The following THSD7A variants were observed in gnomAD, a reference collection of about 807,000 sequenced individuals.
The protein encoded by THSD7A is thrombospondin type 1 domain containing 7A.
In THSD7A, 96 loss-of-function variants were observed where a neutral mutation model predicts 231.3. The observed-to-expected ratio is 0.41, with a 90% CI of 0.35 to 0.49. The LOEUF (loss-of-function observed/expected upper bound fraction) is 0.49. Among genes scored for constraint, THSD7A ranks in the 20% least tolerant of loss-of-function variants. The probability of loss-of-function intolerance (pLI) is 0.05; values close to 1 mark genes in which losing one functional copy is unlikely to be tolerated. For missense variants in THSD7A, 2,290 were observed against 2,070.2 expected (o/e 1.11, Z -2.06); for synonymous variants, 940 against 743.3 (o/e 1.26, Z -4.30).
At chr7:11,599,767 A>G (rs1780487730) in intron 2 of THSD7A, among the ~76,000 whole-genome samples, 2 of 151,954 alleles carry the variant, frequency 1.3e-5, no homozygotes, top group Admixed American at 1.3e-4. Context: ...ACTTGATTGG[A>G]TGGAAGGATG....
At chr7:11,758,224 G>T (rs2128167107) in intron 1 of THSD7A, among the ~76,000 whole-genome samples, 1 of 151,966 alleles carries the variant, frequency 6.6e-6, no homozygotes, top group East Asian at 1.9e-4. Flanking sequence ...TATCTTGAGG[G>T]AAGAAGTGTA....
chr7:11,546,202 G>GAGCGCGCGCACACACACACACA (rs1789383127), intron 4 of THSD7A, among the ~76,000 whole-genome samples: 1 of 129,374 alleles, frequency 7.7e-6, no homozygotes, highest in East Asian at 2.3e-4. Context: ...GTGGGCGCGC[G>GAGCGCGCGCACACACACACACA]CTCACACACA....
chr7:11,507,723 G>A, intron 6 of THSD7A, among the ~76,000 whole-genome samples: 1 of 151,080 alleles, frequency 6.6e-6, no homozygotes, highest in Non-Finnish European at 1.5e-5. Context: ...CATGTTTTCT[G>A]TTTATATATA....
intron 1 of THSD7A, among the ~76,000 whole-genome samples, chr7:11,789,416 C>G (rs1014588350): frequency 1.3e-5 from 2 of 152,036 alleles, no homozygotes; most frequent in Admixed American, 1.3e-4. Context: ...GAAGGAAAAC[C>G]AGCCAGGAGG....
intron 1 of THSD7A, among the ~76,000 whole-genome samples, chr7:11,718,024 A>G (rs890448046): frequency 7.9e-5 from 12 of 151,652 alleles, no homozygotes; most frequent in South Asian, 2.1e-4. Context: ...CTATGCACAA[A>G]GATTATCACA....
intron 1 of THSD7A, among the ~76,000 whole-genome samples, chr7:11,782,427 C>T (rs1783662803): frequency 6.6e-6 from 1 of 152,134 alleles, no homozygotes; most frequent in South Asian, 2.1e-4. Flanking sequence ...ACACATGACA[C>T]ACACACAGAA....
At chr7:11,550,749 A>G (rs1257712868) in intron 4 of THSD7A, among the ~76,000 whole-genome samples, 2 of 152,174 alleles carry the variant, frequency 1.3e-5, no homozygotes, top group Non-Finnish European at 2.9e-5. Flanking sequence ...GGAAGAAGTA[A>G]TATTATTGAA....
chr7:11,654,764 C>T (rs1782644846), intron 1 of THSD7A, among the ~76,000 whole-genome samples: 1 of 151,848 alleles, frequency 6.6e-6, no homozygotes, highest in Non-Finnish European at 1.5e-5. Context: ...TAATACATGT[C>T]TTTCGCTTGA....
intron 6 of THSD7A, among the ~76,000 whole-genome samples, chr7:11,513,720 G>T (rs1360139103): frequency 6.6e-6 from 1 of 152,052 alleles, no homozygotes; most frequent in African/African-American, 2.4e-5. Context: ...TCAATGTAGT[G>T]GTTGCACAAC....
At chr7:11,514,810 G>A (rs188568054) in intron 6 of THSD7A, among the ~76,000 whole-genome samples, 77 of 152,156 alleles carry the variant, frequency 5.1e-4, no homozygotes, top group Admixed American at 9.2e-4. Context: ...CTCCTTTCAA[G>A]ATTATTACTC....
chr7:11,736,814 A>C (rs1781931471), intron 1 of THSD7A, among the ~76,000 whole-genome samples: 1 of 151,990 alleles, frequency 6.6e-6, no homozygotes, highest in Non-Finnish European at 1.5e-5. Flanking sequence ...GGCCCCACCC[A>C]AATCTCATCT....
intron 1 of THSD7A, among the ~76,000 whole-genome samples, chr7:11,806,264 C>A (rs1784395421): frequency 1.3e-5 from 2 of 152,112 alleles, no homozygotes; most frequent in Non-Finnish European, 2.9e-5. Flanking sequence ...GTGCTCAAAC[C>A]TCAATTTATG....
At chr7:11,428,275 T>C (rs73066785) in intron 14 of THSD7A, among the ~76,000 whole-genome samples, 8 of 152,340 alleles carry the variant, frequency 5.3e-5, no homozygotes, top group Non-Finnish European at 8.8e-5. Context: ...TGTCTGATTA[T>C]GTTACATTCC....
chr7:11,730,431 C>T (rs944932501), intron 1 of THSD7A, among the ~76,000 whole-genome samples: 1 of 151,272 alleles, frequency 6.6e-6, no homozygotes. Context: ...ATATTATTGT[C>T]TTATAAAAGT....
chr7:11,703,227 A>G (rs566903235), intron 1 of THSD7A, among the ~76,000 whole-genome samples: 47 of 151,398 alleles, frequency 3.1e-4, no homozygotes, highest in African/African-American at 1.1e-3. Context: ...AAGAGGCTAG[A>G]AAATATTTTT....
chr7:11,790,605 A>AT (rs1290599061), intron 1 of THSD7A, among the ~76,000 whole-genome samples: 1 of 151,936 alleles, frequency 6.6e-6, no homozygotes, highest in African/African-American at 2.4e-5. Context: ...TGTTTCTTAA[A>AT]TTTTTTGCTG....
At chr7:11,818,193 C>T (rs1425002023) in intron 1 of THSD7A, among the ~76,000 whole-genome samples, 1 of 152,172 alleles carries the variant, frequency 6.6e-6, no homozygotes, top group Admixed American at 6.5e-5. Flanking sequence ...TTTGCTAGCG[C>T]TATAATAGCC....
intron 1 of THSD7A, among the ~76,000 whole-genome samples, chr7:11,759,081 C>T (rs1005637272): frequency 9.2e-5 from 14 of 151,776 alleles, no homozygotes; most frequent in Non-Finnish European, 1.8e-4. Context: ...AGCCAAAAGA[C>T]GTCAAAGAAT....
intron 1 of THSD7A, among the ~76,000 whole-genome samples, chr7:11,652,977 A>G (rs187989217): frequency 3.3e-5 from 5 of 152,070 alleles, no homozygotes; most frequent in Non-Finnish European, 7.4e-5. Context: ...AAAAAAGCGA[A>G]TTGAGGAATA....
Sources: gnomAD v4.1 joint callset for allele counts (sites outside exome capture counted in the v4.1 genomes callset) on GRCh38, gnomAD v4.1.1 for gene constraint, MANE v1.5 for transcripts, NCBI Gene and HGNC (gene_info 2026-07-23, HGNC 2026-07-21) for gene names.